NAALADL2: variants seen among roughly 807,000 people sequenced by gnomAD.
The protein encoded by NAALADL2 is inactive N-acetylated-alpha-linked acidic dipeptidase-like protein 2.
A neutral mutation model predicts 87.2 loss-of-function variants in NAALADL2; 76 were observed. That is an observed-to-expected ratio of 0.87 (90% CI 0.72 to 1.05). The LOEUF (loss-of-function observed/expected upper bound fraction) is 1.05. Ranked by LOEUF, NAALADL2 falls within the 50% of genes least tolerant of loss-of-function variation. The pLI, the probability that NAALADL2 is intolerant of heterozygous loss-of-function variation, is 0.00. For synonymous variants in NAALADL2, 354 were observed against 331.0 expected, an observed-to-expected ratio of 1.07 and a Z score of -0.75; for missense variants, 1,089 against 945.8, an observed-to-expected ratio of 1.15 and a Z score of -1.99.
At chr3:175,277,067 C>G (rs144617965) in intron 4 of NAALADL2, among the ~76,000 whole-genome samples, 1 of 151,964 alleles carries the variant, frequency 6.6e-6, no homozygotes, top group Non-Finnish European at 1.5e-5. Flanking sequence ...CATGTTGACG[C>G]CAATATATTT....
chr3:175,642,814 G>A (rs1729488560), intron 11 of NAALADL2, among the ~76,000 whole-genome samples: 1 of 152,070 alleles, frequency 6.6e-6, no homozygotes, highest in African/African-American at 2.4e-5. Flanking sequence ...ATCTTTTTAG[G>A]AACTGTTTAG....
At chr3:175,620,502 C>T (rs1726065167) in intron 10 of NAALADL2, among the ~76,000 whole-genome samples, 1 of 152,196 alleles carries the variant, frequency 6.6e-6, no homozygotes, top group Non-Finnish European at 1.5e-5. Context: ...AGTTTTGCTG[C>T]TCTTTCTCCC....
intron 11 of NAALADL2, among the ~76,000 whole-genome samples, chr3:175,729,816 TC>T (rs937432965): frequency 2.0e-5 from 3 of 151,788 alleles, no homozygotes; most frequent in African/African-American, 7.3e-5. Flanking sequence ...AGTTTTTTTT[TC>T]CCATGGTAAC....
intron 2 of NAALADL2, among the ~76,000 whole-genome samples, chr3:174,712,850 C>T (rs560638786): frequency 9.2e-5 from 14 of 152,076 alleles, no homozygotes; most frequent in African/African-American, 2.9e-4. Flanking sequence ...ATGTGCACAA[C>T]GTGCAGGTTA....
At chr3:175,059,963 T>C (rs1343984566) in intron 1 of NAALADL2, 2 of 438,534 alleles carry the variant, frequency 4.6e-6, no homozygotes, top group Non-Finnish European at 4.6e-6. Context: ...TCGATGTAGC[T>C]CTTGTCTGCC....
intron 2 of NAALADL2, among the ~76,000 whole-genome samples, chr3:175,210,989 A>T (rs1176677347): frequency 6.6e-6 from 1 of 151,794 alleles, no homozygotes; most frequent in Admixed American, 6.6e-5. Flanking sequence ...CCATGCTGTA[A>T]AATTTTATTC....
chr3:175,381,297 T>C (rs55690327), intron 5 of NAALADL2, among the ~76,000 whole-genome samples: 38,894 of 151,482 alleles, frequency 0.26, 5,830 homozygotes, highest in East Asian at 0.51. Context: ...ATCTGACAAT[T>C]TAAACTTTAG....
At chr3:175,603,484 C>T (rs1049234605) in intron 10 of NAALADL2, among the ~76,000 whole-genome samples, 1 of 152,138 alleles carries the variant, frequency 6.6e-6, no homozygotes, top group Non-Finnish European at 1.5e-5. Flanking sequence ...TCCCTTCTCC[C>T]TCCAGGCCCT....
At chr3:174,512,831 A>G (rs1719688561) in intron 1 of NAALADL2, among the ~76,000 whole-genome samples, 1 of 152,132 alleles carries the variant, frequency 6.6e-6, no homozygotes, top group South Asian at 2.1e-4. Flanking sequence ...CAGTGTTTTT[A>G]TATAGTTACT....
At chr3:175,732,068 A>G (rs1561051755) in intron 11 of NAALADL2, among the ~76,000 whole-genome samples, 1 of 152,154 alleles carries the variant, frequency 6.6e-6, no homozygotes, top group Non-Finnish European at 1.5e-5. Flanking sequence ...ATTTATGTCA[A>G]TCTATTGCAC....
intron 4 of NAALADL2, among the ~76,000 whole-genome samples, chr3:175,296,583 C>T (rs889822783): frequency 2.0e-5 from 3 of 152,098 alleles, no homozygotes; most frequent in African/African-American, 4.8e-5. Flanking sequence ...CCAGTATCTC[C>T]ACCCTCCTTT....
intron 1 of NAALADL2, among the ~76,000 whole-genome samples, chr3:174,921,744 G>A (rs1170675897): frequency 6.8e-6 from 1 of 146,460 alleles, no homozygotes; most frequent in African/African-American, 2.6e-5. Flanking sequence ...GGCAGAGCTT[G>A]CAGTAAGCCG....
intron 1 of NAALADL2, among the ~76,000 whole-genome samples, chr3:174,987,591 A>C (rs1359828220): frequency 7.8e-5 from 11 of 140,644 alleles, no homozygotes; most frequent in East Asian, 2.0e-4. Flanking sequence ...AAAAAAAAAA[A>C]AAAAAAACAA....
chr3:174,596,478 C>A (rs1717919071), intron 2 of NAALADL2, among the ~76,000 whole-genome samples: 1 of 152,128 alleles, frequency 6.6e-6, no homozygotes, highest in Non-Finnish European at 1.5e-5. Context: ...TGTATCAGAA[C>A]CACTTGGAGG....
At chr3:175,101,521 A>AT (rs1188926887) in intron 2 of NAALADL2, among the ~76,000 whole-genome samples, 2 of 152,202 alleles carry the variant, frequency 1.3e-5, no homozygotes, top group Non-Finnish European at 2.9e-5. Flanking sequence ...CTAATAATGT[A>AT]TTTTTTATTT....
chr3:174,689,285 G>C (rs936875260), intron 2 of NAALADL2, among the ~76,000 whole-genome samples: 2 of 151,696 alleles, frequency 1.3e-5, no homozygotes, highest in Non-Finnish European at 2.9e-5. Context: ...TGCCTGGATT[G>C]CCCTTTTCTA....
chr3:175,509,136 A>G (rs1233462960), intron 9 of NAALADL2, among the ~76,000 whole-genome samples: 2 of 151,948 alleles, frequency 1.3e-5, no homozygotes, highest in Non-Finnish European at 2.9e-5. Context: ...AAAGAAAAAA[A>G]AAGAATAGAG....
At chr3:175,268,394 G>A (rs1235730462) in intron 4 of NAALADL2, among the ~76,000 whole-genome samples, 2 of 152,138 alleles carry the variant, frequency 1.3e-5, no homozygotes, top group Admixed American at 1.3e-4. Context: ...TGCAGGACTG[G>A]AAGTTGCTCT....
chr3:175,737,189 T>A, intron 11 of NAALADL2, 117 bp from the exon 12 acceptor site: 1 of 628,618 alleles, frequency 1.6e-6, no homozygotes, highest in Non-Finnish European at 2.8e-6. Context: ...AACTATATTA[T>A]TCCTGTGTGT....
Sources: gnomAD v4.1 joint callset for allele counts (sites outside exome capture counted in the v4.1 genomes callset) on GRCh38, gnomAD v4.1.1 for gene constraint, MANE v1.5 for transcripts, NCBI Gene and HGNC (gene_info 2026-07-23, HGNC 2026-07-21) for gene names.